Variants in SLC9A9 observed in about 807,000 individuals in gnomAD.
The protein encoded by SLC9A9 is solute carrier family 9 member A9, also known as sodium/hydrogen exchanger 9.
In SLC9A9, 62 loss-of-function variants were observed where a neutral mutation model predicts 77.8. The observed-to-expected ratio is 0.80, with a 90% CI of 0.65 to 0.98. The LOEUF (loss-of-function observed/expected upper bound fraction) is 0.98, where lower values mean the gene tolerates loss of function less well. Among genes scored for constraint, SLC9A9 ranks in the 50% least tolerant of loss-of-function variants. The pLI, the probability that SLC9A9 is intolerant of heterozygous loss-of-function variation, is 0.00. For synonymous variants in SLC9A9, 320 were observed against 283.5 expected, an observed-to-expected ratio of 1.13 and a Z score of -1.29; for missense variants, 775 against 774.9, an observed-to-expected ratio of 1.00 and a Z score of 0.00.
intron 5 of SLC9A9, among the ~76,000 whole-genome samples, chr3:143,681,277 C>T (rs1933081149): frequency 6.6e-6 from 1 of 151,898 alleles, no homozygotes; most frequent in Non-Finnish European, 1.5e-5. Context: ...TTGGTAAATA[C>T]TTTGAATTAT....
rs887030182 is a variant in SLC9A9 at position 143,267,076 on chromosome 3, G to A, written c.1711-147C>T. 22 of 747,840 alleles carry A rather than the reference G, an allele frequency of 2.9e-5. No homozygotes were observed. In the African/African-American group the frequency reaches 3.7e-4, roughly 12 times the overall value. 46.3% of individuals were successfully genotyped at this position (747,840 alleles called of 1,614,324 possible). On this transcript the variant is annotated intron_variant, in intron 15 of 15. Transcript: ENST00000316549. ...GGCCTTGGCTGATGTTTCTGCTGCA[G>A]GCATGGTACAGCCTTTCCCTGAGTC...
chr3:143,679,808 T>A (rs1222858004), intron 5 of SLC9A9, among the ~76,000 whole-genome samples: 2 of 152,080 alleles, frequency 1.3e-5, no homozygotes, highest in Admixed American at 6.6e-5. Context: ...AAAACGGAAG[T>A]ATTAGAATAG....
intron 4 of SLC9A9, among the ~76,000 whole-genome samples, chr3:143,726,471 A>G (rs1934659413): frequency 6.6e-6 from 1 of 152,198 alleles, no homozygotes; most frequent in Admixed American, 6.5e-5. Context: ...ACCTCAATAA[A>G]GTTTGTTTTA....
intron 14 of SLC9A9, among the ~76,000 whole-genome samples, chr3:143,304,868 A>G (rs1440028358): frequency 6.6e-6 from 1 of 152,170 alleles, no homozygotes; most frequent in Non-Finnish European, 1.5e-5. Flanking sequence ...GGTGATGAGC[A>G]CCACCACCCT....
intron 4 of SLC9A9, among the ~76,000 whole-genome samples, chr3:143,727,738 A>G (rs6790899): frequency 0.011 from 1,712 of 152,342 alleles, 37 homozygotes; most frequent in African/African-American, 0.038. Context: ...TTTACTGAGT[A>G]CTTTCCCCTC....
Position 143,266,572 on chromosome 3 carries a change from C to CT in SLC9A9, c.*129dup. ...GCACCAGAGGATCCATGTGACAAGG[C>CT]TTTGATTCTCTCCAATTTATGCTCT... On this transcript the variant is annotated 3_prime_UTR_variant, in exon 16 of 16. Coordinates refer to ENST00000316549, the MANE Select transcript of SLC9A9 (RefSeq NM_173653.4). The CT allele has an allele frequency of 2.2e-6, 2 of 891,768 alleles. No individual in the cohort carries two copies. The highest frequency in any genetic ancestry group is 3.6e-6 in the Non-Finnish European group (2 of 551,870). 55.2% of individuals were successfully genotyped at this position (891,768 alleles called of 1,614,324 possible).
chr3:143,500,061 A>ACTTT (rs2035901007), intron 9 of SLC9A9, among the ~76,000 whole-genome samples: 1 of 152,132 alleles, frequency 6.6e-6, no homozygotes, highest in Non-Finnish European at 1.5e-5. Flanking sequence ...AGGTATCACA[A>ACTTT]AACAGATTCC....
chr3:143,371,815 A>G (rs1421162640), intron 13 of SLC9A9, among the ~76,000 whole-genome samples: 2 of 152,136 alleles, frequency 1.3e-5, no homozygotes, highest in East Asian at 3.8e-4. Context: ...CACCTAGAAA[A>G]CCCTAAAGAT....
At chr3:143,751,435 C>T (rs565392406) in intron 4 of SLC9A9, among the ~76,000 whole-genome samples, 93 of 152,254 alleles carry the variant, frequency 6.1e-4, no homozygotes, top group Non-Finnish European at 1.1e-3. Context: ...GCTATCTTTC[C>T]TGGAGGGCAT....
chr3:143,363,852 A>G (rs1170115761), intron 13 of SLC9A9, among the ~76,000 whole-genome samples: 1 of 151,946 alleles, frequency 6.6e-6, no homozygotes, highest in East Asian at 2.0e-4. Context: ...CATTTCTGCC[A>G]TAGTGCTGTT....
chr3:143,371,686 A>G (rs1486016805), intron 13 of SLC9A9, among the ~76,000 whole-genome samples: 4 of 152,202 alleles, frequency 2.6e-5, no homozygotes, highest in Admixed American at 2.0e-4. Flanking sequence ...AGAAGGATGT[A>G]AATTGTATTA....
At chr3:143,558,403 C>T (rs1195907088) in intron 8 of SLC9A9, among the ~76,000 whole-genome samples, 1 of 152,126 alleles carries the variant, frequency 6.6e-6, no homozygotes, top group Non-Finnish European at 1.5e-5. Context: ...CACCGTGCAC[C>T]TGGAAAAGCA....
At chr3:143,528,851 A>T (rs753610801) in intron 9 of SLC9A9, among the ~76,000 whole-genome samples, 1 of 152,130 alleles carries the variant, frequency 6.6e-6, no homozygotes, top group Non-Finnish European at 1.5e-5. Flanking sequence ...ACTGTGTGCC[A>T]GGCATCAGAC....
At chr3:143,627,018 G>A (rs748872694) in intron 6 of SLC9A9, among the ~76,000 whole-genome samples, 6 of 151,800 alleles carry the variant, frequency 4.0e-5, no homozygotes, top group South Asian at 2.1e-4. Context: ...GACTACAGGC[G>A]TGCACCACCA....
chr3:143,631,318 C>T (rs1044597492), intron 6 of SLC9A9, among the ~76,000 whole-genome samples: 3 of 152,132 alleles, frequency 2.0e-5, no homozygotes, highest in Non-Finnish European at 4.4e-5. Context: ...AGGAGAGCAA[C>T]TACAATGATG....
At chr3:143,447,237 T>G (rs1377329478) in intron 12 of SLC9A9, among the ~76,000 whole-genome samples, 8 of 152,212 alleles carry the variant, frequency 5.3e-5, no homozygotes, top group Non-Finnish European at 1.2e-4. Flanking sequence ...CCATTTCACC[T>G]TGGTGCCCTA....
intron 14 of SLC9A9, among the ~76,000 whole-genome samples, chr3:143,277,466 G>C (rs1938085359): frequency 6.6e-6 from 1 of 152,182 alleles, no homozygotes; most frequent in South Asian, 2.1e-4. Context: ...TCTGAGTTGG[G>C]AAGTGTTGCA....
intron 6 of SLC9A9, among the ~76,000 whole-genome samples, chr3:143,592,469 A>T (rs1576597053): frequency 6.6e-6 from 1 of 152,354 alleles, no homozygotes; most frequent in Admixed American, 6.5e-5. Context: ...CTCTTCCAGC[A>T]TGGCTGGGAT....
intron 6 of SLC9A9, 27 bp downstream of exon 6, chr3:143,652,228 A>G: frequency 1.3e-6 from 2 of 1,563,654 alleles, no homozygotes; most frequent in Non-Finnish European, 1.8e-6. Flanking sequence ...ATGATTAAAG[A>G]AACATAGGCC....
Sources: allele counts gnomAD v4.1 joint callset (sites outside exome capture counted in the v4.1 genomes callset), GRCh38; gene constraint gnomAD v4.1.1; transcripts MANE v1.5; gene names NCBI Gene and HGNC (gene_info 2026-07-23, HGNC 2026-07-21).